Variants in RPS8 observed in about 807,000 individuals in gnomAD.
The protein encoded by RPS8 is ribosomal protein S8.
For synonymous variants in RPS8, 100 were observed against 100.7 expected, an observed-to-expected ratio of 0.99 and a Z score of 0.04; for missense variants, 141 against 269.7, an observed-to-expected ratio of 0.52 and a Z score of 3.34.
intron 3 of RPS8, 38 bp downstream of exon 3, chr1:44,776,812 C>T: frequency 2.0e-6 from 3 of 1,478,140 alleles, no homozygotes; most frequent in African/African-American, 1.4e-5. Context: ...GGAAAACGCA[C>T]CTAAACGGTC....
intron 5 of RPS8, chr1:44,778,355 A>G (rs764206595): frequency 7.4e-6 from 6 of 811,400 alleles, no homozygotes; most frequent in African/African-American, 5.3e-5. Context: ...GAGTCTTTGT[A>G]TTTGGGGAAG....
chr1:44,778,763 CTG>C lies in RPS8; in HGVS notation c.*80_*81del. 1 of 997,832 alleles carries C rather than the reference CTG, an allele frequency of 1.0e-6. No homozygotes were observed. Among genetic ancestry groups the C allele is most frequent in the Non-Finnish European group, 1.5e-6 (1 of 669,484 alleles). 61.8% of individuals were successfully genotyped at this position (997,832 alleles called of 1,614,324 possible). On this transcript the variant is annotated 3_prime_UTR_variant, in exon 6 of 6. Transcript: ENST00000396651. ...ACATTTATGTTGCCTGAATATATGACTGTTTTCTCTGCTTTATTTCCTTGCCC... is the reference window on the plus strand; with the variant it reads ...ACATTTATGTTGCCTGAATATATGACTTTTCTCTGCTTTATTTCCTTGCCC...
intron 4 of RPS8, 81 bp downstream of exon 4, chr1:44,777,870 T>C (rs1335937137): frequency 1.3e-6 from 2 of 1,579,534 alleles, no homozygotes; most frequent in Non-Finnish European, 1.7e-6. Context: ...TGTCCAGTTC[T>C]GCTACTGAAG....
rs770019326 is a variant in RPS8 at position 44,778,712 on chromosome 1, A to G, written c.*27A>G. Reference sequence around the variant, plus strand: ...TCCTTGTTTTGTCTTCACCCATGTAATAAAGGTGTTTATTGTTTTGTTCCC... The same window carrying G: ...TCCTTGTTTTGTCTTCACCCATGTAGTAAAGGTGTTTATTGTTTTGTTCCC... On this transcript the variant is annotated 3_prime_UTR_variant, in exon 6 of 6. Coordinates refer to ENST00000396651, the MANE Select transcript of RPS8 (RefSeq NM_001012.2). 6.9e-7 allele frequency: 1 copy of G among 1,450,824 alleles called. No homozygotes were observed. Among genetic ancestry groups the G allele is most frequent in the Non-Finnish European group, 9.6e-7 (1 of 1,046,638 alleles). 89.9% of individuals were successfully genotyped at this position (1,450,824 alleles called of 1,614,324 possible).
At chr1:44,777,519 C>A in intron 3 of RPS8, 95 bp from the exon 4 acceptor site, 1 of 965,934 alleles carries the variant, frequency 1.0e-6, no homozygotes, top group Non-Finnish European at 1.6e-6. Context: ...TCCCTTATTT[C>A]TCCTTAAGGC....
chr1:44,777,125 C>A (rs146380430), intron 3 of RPS8: 3 of 223,438 alleles, frequency 1.3e-5, no homozygotes, highest in East Asian at 2.5e-4. Context: ...GGCTGGAGTG[C>A]CAGTGGCGTG....
chr1:44,775,994 T>C (rs1361976530), intron 1 of RPS8, 40 bp from the exon 2 acceptor site: 2 of 1,587,064 alleles, frequency 1.3e-6, no homozygotes, highest in Non-Finnish European at 1.7e-6. Flanking sequence ...TAGCACCGAG[T>C]CACAGTGGCT....
rs1175525611 is a variant in RPS8, at chr1:44,777,770, G to A, written c.368G>A (p.Arg123His). ...TCCCACTATGCGCTGCCCCTGGGCC[G>A]CAAGAAGGGAGCCAAGCTGGTGCGT... ...YESHYALPLG[R>H]KKGAKLTPEE... The change falls in exon 4 of 6, where the codon CGC becomes CAC. Residue 123 changes from arginine (R) to histidine (H), a missense_variant. Transcript: ENST00000396651. 5.0e-6 allele frequency: 8 copies of A among 1,614,038 alleles called. No homozygotes were observed. Among genetic ancestry groups the A allele is most frequent in the East Asian group, 2.2e-5 (1 of 44,896 alleles).
chr1:44,777,208 A>G (rs1327700480), intron 3 of RPS8: 4 of 213,470 alleles, frequency 1.9e-5, no homozygotes, highest in Non-Finnish European at 3.8e-5. Flanking sequence ...AGAAGCTGGG[A>G]TTACAGGCGT....
At chr1:44,777,366 C>A in intron 3 of RPS8, 2 of 476,968 alleles carry the variant, frequency 4.2e-6, no homozygotes, top group Non-Finnish European at 7.6e-6. Context: ...TCACCGTGCC[C>A]GACCTGCTCT....
At chr1:44,776,522 G>A (rs754930867) in intron 2 of RPS8, 153 bp from the exon 3 acceptor site, 1 of 778,748 alleles carries the variant, frequency 1.3e-6, no homozygotes, top group Non-Finnish European at 2.3e-6. Flanking sequence ...CCTTAGGCGT[G>A]GTTGTGGCCG....
chr1:44,776,687 C>T lies in RPS8; in HGVS notation c.124C>T (p.Arg42Cys). ...PAANTKIGPR[R>C]IHTVRVRGGN... ...TTGTGTTTTCCAGATTGGCCCCCGCCGCATCCACACAGTCCGTGTGCGGGG... is the reference window on the plus strand; with the variant it reads ...TTGTGTTTTCCAGATTGGCCCCCGCTGCATCCACACAGTCCGTGTGCGGGG... The change falls in exon 3 of 6, where the codon CGC (arginine) becomes TGC (cysteine). Residue 42 changes from arginine to cysteine, a missense_variant. Physicochemically the swap from Arg to Cys is radical, Grantham distance 180. Transcript: ENST00000396651. The T allele has an allele frequency of 6.2e-7, 1 of 1,613,930 alleles. No individual in the cohort carries two copies. The highest frequency in any genetic ancestry group is 1.7e-5 in the Admixed American group (1 of 59,986).
chr1:44,776,561 T>C, intron 2 of RPS8, 114 bp from the exon 3 acceptor site: 1 of 895,186 alleles, frequency 1.1e-6, no homozygotes, highest in Non-Finnish European at 1.9e-6. Context: ...CACTTGCCAA[T>C]GCAAGGACTT....
intron 3 of RPS8, 85 bp downstream of exon 3, chr1:44,776,859 C>T (rs1307510009): frequency 7.0e-6 from 7 of 998,872 alleles, no homozygotes; most frequent in Middle Eastern, 2.2e-4. Flanking sequence ...CGGTGGCTCA[C>T]GCCTATAAGC....
At chr1:44,778,187 C>G (rs753801082) in intron 5 of RPS8, 58 bp downstream of exon 5, 205 of 1,586,276 alleles carry the variant, frequency 1.3e-4, no homozygotes, top group Non-Finnish European at 1.7e-4. Context: ...TGCCGAGGCA[C>G]TTTTCCCTTG....
Position 44,776,157 on chromosome 1 carries a change from G to T in RPS8, c.111+17G>T, listed in dbSNP as rs762015190. 1.9e-5 allele frequency: 29 copies of T among 1,549,402 alleles called. No individual in the cohort carries two copies. The highest frequency in any genetic ancestry group is 2.1e-4 in the Middle Eastern group (1 of 4,690). On this transcript the variant is annotated intron_variant, in intron 2 of 5. Transcript: ENST00000396651. ...AACACCAAGGTGGGTGCGAGCGTGG[G>T]CCTGTCCGCCTGGGAGGTCGCCTTC...
chr1:44,776,095 C>T lies in RPS8; in HGVS notation c.66C>T (p.His22=). Residue 22 remains histidine (H), a synonymous_variant, in exon 2 of 6, where the codon CAC becomes CAT. Transcript: ENST00000396651. The part of the protein sequence containing the change: ...RKTGGKRKPY[H]KKRKYELGRP... ...CCGGGGGCAAGAGAAAGCCCTACCA[C>T]AAGAAGCGGAAGTATGAGTTGGGGC... 6.2e-7 allele frequency: 1 copy of T among 1,609,980 alleles called. No homozygotes were observed. Among genetic ancestry groups the T allele is most frequent in the Non-Finnish European group, 8.5e-7 (1 of 1,178,976 alleles).
intron 1 of RPS8, 84 bp from the exon 2 acceptor site, chr1:44,775,950 C>T (rs777958743): frequency 5.3e-6 from 7 of 1,329,942 alleles, no homozygotes; most frequent in Non-Finnish European, 7.6e-6. Flanking sequence ...TGCGACCGGC[C>T]CGGCGCGGGG....
At position 44,775,841 on chromosome 1, in the gene RPS8, G is replaced by T. The variant is rs1295179028; in HGVS notation, c.5-193G>T. The T allele has an allele frequency of 3.8e-5, 30 of 790,430 alleles. No homozygotes were observed. In the East Asian group the frequency reaches 7.5e-4, roughly 20 times the overall value. 49.0% of individuals were successfully genotyped at this position (790,430 alleles called of 1,614,324 possible). On this transcript the variant is annotated intron_variant, in intron 1 of 5. Transcript: ENST00000396651. ...GCGGCGCCAACATGGCTGCCGCGAG[G>T]AGGAGGCCCCGGCCTGGCCGCACGT...
Sources: allele counts gnomAD v4.1 joint callset, GRCh38; gene constraint gnomAD v4.1.1; transcripts MANE v1.5; gene names NCBI Gene and HGNC (gene_info 2026-07-23, HGNC 2026-07-21).